Variants in ROBO2 observed in about 807,000 individuals in gnomAD.
ROBO2 encodes the protein roundabout homolog 2.
Under a neutral mutation model 160.8 loss-of-function variants are expected in ROBO2, and 53 were observed. The ratio of observed to expected loss-of-function variants is 0.33; its 90% CI spans 0.26 to 0.41. ROBO2 has a LOEUF of 0.41. ROBO2 is among the 10% of genes least tolerant of loss of function. The pLI, the probability that ROBO2 is intolerant of heterozygous loss-of-function variation, is 1.00. For synonymous variants in ROBO2, 664 were observed against 611.7 expected (o/e 1.09, Z -1.26); for missense variants, 1,577 against 1,722.4 (o/e 0.92, Z 1.49).
intron 17 of ROBO2, among the ~76,000 whole-genome samples, chr3:77,594,675 A>C (rs2094257111): frequency 6.6e-6 from 1 of 152,122 alleles, no homozygotes; most frequent in Non-Finnish European, 1.5e-5. Flanking sequence ...TGTAGTCAAT[A>C]AGTATTTGTT....
At chr3:76,190,797 A>G (rs1337454028) in intron 2 of ROBO2, among the ~76,000 whole-genome samples, 4 of 152,082 alleles carry the variant, frequency 2.6e-5, no homozygotes, top group Non-Finnish European at 5.9e-5. Context: ...TGTACCTAAT[A>G]TTTTCTTTCC....
chr3:75,999,796 A>T (rs1344060217), intron 2 of ROBO2, among the ~76,000 whole-genome samples: 2 of 152,230 alleles, frequency 1.3e-5, no homozygotes, highest in African/African-American at 4.8e-5. Flanking sequence ...TTAAAAACTG[A>T]TGAGAACATA....
At chr3:76,761,650 T>A (rs1015133677) in intron 2 of ROBO2, among the ~76,000 whole-genome samples, 9 of 151,776 alleles carry the variant, frequency 5.9e-5, no homozygotes, top group Non-Finnish European at 1.3e-4. Context: ...GTAATACTCT[T>A]AAGAGATTTG....
intron 2 of ROBO2, among the ~76,000 whole-genome samples, chr3:76,272,761 A>AT (rs1559705263): frequency 2.4e-5 from 2 of 83,456 alleles, no homozygotes; most frequent in African/African-American, 4.8e-5. Context: ...ATAAATATAT[A>AT]ATATATATTT....
At chr3:77,142,377 A>G (rs535824528) in intron 2 of ROBO2, among the ~76,000 whole-genome samples, 1 of 152,348 alleles carries the variant, frequency 6.6e-6, no homozygotes, top group African/African-American at 2.4e-5. Context: ...AAAGGATAAG[A>G]ACACGTACAC....
chr3:77,033,669 CTAA>C (rs918394366), intron 2 of ROBO2, among the ~76,000 whole-genome samples: 53 of 152,118 alleles, frequency 3.5e-4, no homozygotes, highest in African/African-American at 1.2e-3. Flanking sequence ...ACCTGAAAGT[CTAA>C]TATTTGCTCA....
Position 76,169,633 on chromosome 3 carries a change from A to T in ROBO2, c.109+232031A>T, listed in dbSNP as rs568109391. Among the ~76,000 whole-genome samples the T allele has an allele frequency of 2.6e-5, 4 of 152,324 alleles. No homozygotes were observed. The East Asian group carries it at 7.7e-4, about 29-fold the overall frequency. On this transcript the variant is annotated intron_variant, in intron 2 of 26. Transcript: ENST00000487694. ...ACTGAATCTGACTTTATTGCATTAC[A>T]GGTGGTCATAATCATTGATAATAAT...
chr3:76,821,868 C>A (rs2066149139), intron 2 of ROBO2, among the ~76,000 whole-genome samples: 1 of 151,964 alleles, frequency 6.6e-6, no homozygotes, highest in Non-Finnish European at 1.5e-5. Flanking sequence ...CACTTTTTAA[C>A]AATGTCAGTG....
intron 2 of ROBO2, among the ~76,000 whole-genome samples, chr3:76,366,749 T>C (rs903584912): frequency 2.0e-5 from 3 of 152,022 alleles, no homozygotes; most frequent in African/African-American, 7.2e-5. Flanking sequence ...GATTATTCTA[T>C]GTATGATCAC....
chr3:77,298,703 G>T (rs144861773), intron 2 of ROBO2, among the ~76,000 whole-genome samples: 1 of 152,194 alleles, frequency 6.6e-6, no homozygotes, highest in East Asian at 1.9e-4. Flanking sequence ...ACTTTGGTTG[G>T]GCTTCAGGAG....
At chr3:76,449,529 C>T (rs1371562660) in intron 2 of ROBO2, among the ~76,000 whole-genome samples, 2 of 152,088 alleles carry the variant, frequency 1.3e-5, no homozygotes, top group African/African-American at 4.8e-5. Context: ...TAACCGGACT[C>T]GATTTAACTG....
At chr3:76,810,311 C>T (rs2065062412) in intron 2 of ROBO2, among the ~76,000 whole-genome samples, 1 of 152,112 alleles carries the variant, frequency 6.6e-6, no homozygotes, top group South Asian at 2.1e-4. Context: ...GAGGCACACC[C>T]AGTTCGCCAA....
intron 24 of ROBO2, among the ~76,000 whole-genome samples, chr3:77,641,396 G>A (rs1006722027): frequency 3.3e-5 from 5 of 152,142 alleles, no homozygotes; most frequent in Non-Finnish European, 7.4e-5. Flanking sequence ...GAGTATAAAG[G>A]TTCTTGAAGT....
chr3:77,274,494 T>C (rs2059699688), intron 2 of ROBO2, among the ~76,000 whole-genome samples: 1 of 152,142 alleles, frequency 6.6e-6, no homozygotes, highest in Non-Finnish European at 1.5e-5. Context: ...CAACTTTATT[T>C]GTCACTTTGA....
intron 2 of ROBO2, among the ~76,000 whole-genome samples, chr3:77,372,859 T>C (rs1676215523): frequency 6.6e-6 from 1 of 151,970 alleles, no homozygotes; most frequent in East Asian, 1.9e-4. Context: ...CAAGCTTCTC[T>C]TTTTCATGAA....
intron 2 of ROBO2, among the ~76,000 whole-genome samples, chr3:76,079,683 A>G (rs1453553276): frequency 6.6e-6 from 1 of 151,766 alleles, no homozygotes; most frequent in Non-Finnish European, 1.5e-5. Context: ...ATGGGGTTTC[A>G]CCGTGTTGCC....
In ROBO2 at chr3:76,086,807, T is replaced by C. The variant is rs1272051212; in HGVS notation, c.109+149205T>C. Among the ~76,000 whole-genome samples, 7 of 152,020 alleles carry C rather than the reference T, an allele frequency of 4.6e-5. No homozygotes were observed. In the South Asian group the frequency reaches 1.0e-3, roughly 23 times the overall value. Reference sequence around the variant, plus strand: ...GGCTTTAATAGAAAAAGTAAACAACTTGGAAGAACACATAGACAATGTAAA... The same window carrying C: ...GGCTTTAATAGAAAAAGTAAACAACCTGGAAGAACACATAGACAATGTAAA... On this transcript the variant is annotated intron_variant, in intron 2 of 26. Coordinates refer to the ROBO2 transcript ENST00000487694.
At chr3:77,513,899 TG>T (rs2089703914) in intron 5 of ROBO2, among the ~76,000 whole-genome samples, 1 of 151,712 alleles carries the variant, frequency 6.6e-6, no homozygotes, top group African/African-American at 2.4e-5. Flanking sequence ...ATCTCTATGG[TG>T]GGGACTGTCG....
intron 2 of ROBO2, among the ~76,000 whole-genome samples, chr3:76,063,145 A>G (rs1428575396): frequency 1.3e-5 from 2 of 152,144 alleles, no homozygotes; most frequent in Non-Finnish European, 1.5e-5. Context: ...AACACCAACT[A>G]TAGTCTTTAA....
Sources: allele counts gnomAD v4.1 joint callset (sites outside exome capture counted in the v4.1 genomes callset), GRCh38; gene constraint gnomAD v4.1.1; transcripts MANE v1.5; gene names NCBI Gene and HGNC (gene_info 2026-07-23, HGNC 2026-07-21).